Variants in SDHC observed in about 807,000 individuals in gnomAD.
SDHC encodes the protein succinate dehydrogenase complex subunit C.
In SDHC, 11 loss-of-function variants were observed where a neutral mutation model predicts 22.6. The observed-to-expected ratio is 0.49, with a 90% CI of 0.31 to 0.81. SDHC has a LOEUF of 0.81. Among genes scored for constraint, SDHC ranks in the 30% least tolerant of loss-of-function variants. The pLI, the probability that SDHC is intolerant of heterozygous loss-of-function variation, is 0.05. For missense variants in SDHC, 160 were observed against 212.0 expected (o/e 0.75, Z 1.52); for synonymous variants, 80 against 77.8 (o/e 1.03, Z -0.15).
chr1:161,337,961 T>A (rs1366476897), intron 3 of SDHC, among the ~76,000 whole-genome samples: 1 of 152,242 alleles, frequency 6.6e-6, no homozygotes, highest in Non-Finnish European at 1.5e-5. Context: ...TGTTTCACAC[T>A]CTTGTCATCA....
At chr1:161,356,568 A>G in intron 4 of SDHC, 109 bp from the exon 5 acceptor site, 1 of 1,149,032 alleles carries the variant, frequency 8.7e-7, no homozygotes, top group East Asian at 2.3e-5. Context: ...AATCTTCTCC[A>G]TTTCAAAATG....
rs566099978 is a variant in SDHC at position 161,317,991 on chromosome 1, A to T, written c.20+3566A>T. ...GATCAAGACCATCCTGGCCAACATG[A>T]TGAAACCCCATCTCTACTAAAAATA... On this transcript the variant is annotated intron_variant, in intron 1 of 5. Coordinates refer to ENST00000367975, the MANE Select transcript of SDHC (RefSeq NM_003001.5). 3.9e-5 allele frequency among the ~76,000 whole-genome samples: 6 copies of T among 151,950 alleles called. No homozygotes were observed. In the East Asian group the frequency reaches 1.2e-3, roughly 30 times the overall value.
chr1:161,356,236 T>C (rs114919002), intron 4 of SDHC, among the ~76,000 whole-genome samples: 2,895 of 151,742 alleles, frequency 0.019, 96 homozygotes, highest in African/African-American at 0.066. Flanking sequence ...TGAACATGAG[T>C]TTAAATCTTC....
intron 4 of SDHC, among the ~76,000 whole-genome samples, chr1:161,350,806 C>A (rs1375865848): frequency 1.3e-5 from 2 of 152,160 alleles, no homozygotes; most frequent in African/African-American, 2.4e-5. Context: ...AACATACATA[C>A]TTCCCCTTTC....
chr1:161,332,321 A>C (rs1233050395), intron 3 of SDHC, among the ~76,000 whole-genome samples: 8 of 151,978 alleles, frequency 5.3e-5, no homozygotes, highest in Admixed American at 5.2e-4. Flanking sequence ...CTTTCCTTTC[A>C]CATTTTACTA....
chr1:161,322,565 G>GTT (rs922476506), intron 1 of SDHC, among the ~76,000 whole-genome samples: 1 of 145,436 alleles, frequency 6.9e-6, no homozygotes, highest in African/African-American at 2.6e-5. Flanking sequence ...TTGTTTGTTT[G>GTT]TTTTTGTTTT....
rs1558164528 is a variant in SDHC at position 161,323,631 on chromosome 1, G to T, written c.38G>T (p.Cys13Phe). 6.2e-7 allele frequency: 1 copy of T among 1,613,558 alleles called. No individual in the cohort carries two copies. The highest frequency in any genetic ancestry group is 8.5e-7 in the Non-Finnish European group (1 of 1,179,626). ...TCTTGCAGACACGTTGGTCGTCATT[G>T]CCTCCGAGCCCACTTTAGCCCTCAG... ...ALLLRHVGRH[C>F]LRAHFSPQLC... is the part of the protein sequence containing the mutation. Residue 13 changes from cysteine (C) to phenylalanine (F), a missense_variant, in exon 2 of 6, where the codon TGC (cysteine) becomes TTC (phenylalanine). Physicochemically the swap from Cys to Phe is radical, Grantham distance 205 (BLOSUM62 -2). Around this residue, in one of 2 missense-constraint regions of SDHC, gnomAD observed 86 missense variants for 83.4 expected, o/e 1.03. Transcript: ENST00000367975.
intron 4 of SDHC, 136 bp from the exon 5 acceptor site, chr1:161,356,541 G>C: frequency 1.0e-6 from 1 of 967,648 alleles, no homozygotes; most frequent in Middle Eastern, 3.2e-4. Flanking sequence ...TCTGTCTCAA[G>C]AAAAAAAGAA....
chr1:161,340,471 C>CAA (rs376116336), intron 3 of SDHC, 123 bp from the exon 4 acceptor site: 662 of 660,834 alleles, frequency 1.0e-3, no homozygotes, highest in South Asian at 1.6e-3. Context: ...GACTCTGTCT[C>CAA]AAAAAAAAAA....
At chr1:161,337,937 A>G (rs1003980400) in intron 3 of SDHC, among the ~76,000 whole-genome samples, 1 of 152,208 alleles carries the variant, frequency 6.6e-6, no homozygotes, top group Non-Finnish European at 1.5e-5. Flanking sequence ...GACAAGAAAA[A>G]TAATTGTGCA....
At chr1:161,314,775 A>G (rs1670545235) in intron 1 of SDHC, 2 of 327,884 alleles carry the variant, frequency 6.1e-6, no homozygotes, top group East Asian at 5.2e-5. Flanking sequence ...CATGGGTCCT[A>G]CGATTTCGAG....
At chr1:161,354,574 A>AT (rs1247349907) in intron 4 of SDHC, among the ~76,000 whole-genome samples, 1 of 144,520 alleles carries the variant, frequency 6.9e-6, no homozygotes, top group Non-Finnish European at 1.5e-5. Flanking sequence ...TCCCCAAAAT[A>AT]TTTTTTGGTG....
At chr1:161,347,229 T>G (rs913627849) in intron 4 of SDHC, among the ~76,000 whole-genome samples, 6 of 152,100 alleles carry the variant, frequency 3.9e-5, no homozygotes, top group African/African-American at 1.4e-4. Context: ...CCCGGATCAT[T>G]GGATGATTAT....
chr1:161,346,488 T>C (rs915071294), intron 4 of SDHC, among the ~76,000 whole-genome samples: 2 of 151,928 alleles, frequency 1.3e-5, no homozygotes. Context: ...CAACTCTGCC[T>C]CCCAGGTTCA....
chr1:161,319,350 T>C (rs1377754364), intron 1 of SDHC, among the ~76,000 whole-genome samples: 1 of 151,886 alleles, frequency 6.6e-6, no homozygotes, highest in African/African-American at 2.4e-5. Context: ...ATAAGAAATA[T>C]TGATAGATAT....
intron 4 of SDHC, among the ~76,000 whole-genome samples, chr1:161,346,980 G>A (rs1169393757): frequency 6.6e-6 from 1 of 152,068 alleles, no homozygotes; most frequent in East Asian, 1.9e-4. Context: ...AAAAGTGTAC[G>A]TTTTCAGTAC....
rs1420156006 is a variant in SDHC, at chr1:161,331,560, G to A, written c.179+3063G>A. Among the ~76,000 whole-genome samples the A allele has an allele frequency of 4.1e-4, 62 of 151,046 alleles. 1 individual carries two copies. The highest frequency in any genetic ancestry group is 1.2e-4 in the Non-Finnish European group (8 of 67,784). On this transcript the variant is annotated intron_variant, in intron 3 of 5. Coordinates refer to ENST00000367975, the MANE Select transcript of SDHC (RefSeq NM_003001.5). ...GCCTCCCAAAGTGCTGGGATTATGT[G>A]TGAACCACTGTACCAGGCCTTGACA... is the stretch of plus-strand genomic sequence containing the variant.
At chr1:161,336,637 A>G (rs1029948033) in intron 3 of SDHC, among the ~76,000 whole-genome samples, 1 of 152,120 alleles carries the variant, frequency 6.6e-6, no homozygotes, top group South Asian at 2.1e-4. Context: ...AACTCCAGAC[A>G]TACTTGGGGG....
intron 4 of SDHC, among the ~76,000 whole-genome samples, chr1:161,344,323 A>G (rs35046931): frequency 0.098 from 14,861 of 151,804 alleles, 1,044 homozygotes; most frequent in Non-Finnish European, 0.14. Context: ...TTAGCCTGGA[A>G]TGGTGGCATG....
Sources: gnomAD v4.1 joint callset for allele counts (sites outside exome capture counted in the v4.1 genomes callset) on GRCh38, gnomAD v4.1.1 for gene constraint, gnomAD v4.1.1 regional missense constraint, MANE v1.5 for transcripts, NCBI Gene and HGNC (gene_info 2026-07-23, HGNC 2026-07-21) for gene names.